BLTP1: variants seen among roughly 807,000 people sequenced by gnomAD.
The protein encoded by BLTP1 is bridge-like lipid transfer protein family member 1.
the BLTP1 span, chr4:122,237,346 G>C: frequency 1.0e-6 from 1 of 985,302 alleles, no homozygotes; most frequent in Non-Finnish European, 1.2e-6. Flanking sequence ...CTGTGAAACA[G>C]TGGTGCTTCA....
At chr4:122,202,950 A>G in the BLTP1 span, among the ~76,000 whole-genome samples, 1 of 152,002 alleles carries the variant, frequency 6.6e-6, no homozygotes, top group Non-Finnish European at 1.5e-5. Flanking sequence ...AAAAGTAAAC[A>G]TAATCACCGT....
the BLTP1 span, chr4:122,312,699 CACAA>C: frequency 3.4e-6 from 1 of 298,476 alleles, no homozygotes; most frequent in African/African-American, 2.3e-5. Flanking sequence ...GATCCTCTCT[CACAA>C]ACTAAGTTGT....
chr4:122,304,280 C>T, the BLTP1 span, among the ~76,000 whole-genome samples: 1 of 152,138 alleles, frequency 6.6e-6, no homozygotes, highest in South Asian at 2.1e-4. Flanking sequence ...TGCATGATCT[C>T]GGCTCACTGC....
At chr4:122,244,408 A>G in the BLTP1 span, among the ~76,000 whole-genome samples, 1 of 152,094 alleles carries the variant, frequency 6.6e-6, no homozygotes, top group Admixed American at 6.5e-5. Context: ...CATCCCACAA[A>G]TACTGTATTC....
chr4:122,266,800 T>C, the BLTP1 span: 1 of 1,604,222 alleles, frequency 6.2e-7, no homozygotes. Flanking sequence ...TCAAGCCTCT[T>C]CTGAGTCATA....
the BLTP1 span, chr4:122,170,754 A>T: frequency 6.4e-7 from 1 of 1,569,290 alleles, no homozygotes; most frequent in Admixed American, 1.9e-5. Context: ...GGTAAGTGGA[A>T]TATTTTTCTT....
the BLTP1 span, chr4:122,266,809 T>G: frequency 1.1e-5 from 18 of 1,608,782 alleles, no homozygotes; most frequent in Non-Finnish European, 1.5e-5. Flanking sequence ...TTCTGAGTCA[T>G]ACAGGGATCC....
At chr4:122,353,098 C>A in the BLTP1 span, 1 of 1,613,888 alleles carries the variant, frequency 6.2e-7, no homozygotes, top group South Asian at 1.1e-5. This position sits in a 1 kb window ranked among gnomAD's most constrained non-coding sequence, Gnocchi z 4.3. Context: ...GGCCCTTTTT[C>A]ATTTAGAAGA....
chr4:122,255,523 G>A, the BLTP1 span, among the ~76,000 whole-genome samples: 28 of 152,172 alleles, frequency 1.8e-4, no homozygotes, highest in African/African-American at 6.8e-4. Context: ...GCTGTCACCT[G>A]TAATCCCAGC....
At chr4:122,209,856 T>A in the BLTP1 span, 6 of 1,613,680 alleles carry the variant, frequency 3.7e-6, no homozygotes, top group Non-Finnish European at 5.1e-6. Context: ...CCAAGTGTCA[T>A]GCTTACAATT....
At chr4:122,176,380 G>T in the BLTP1 span, among the ~76,000 whole-genome samples, 76 of 152,164 alleles carry the variant, frequency 5.0e-4, no homozygotes, top group Middle Eastern at 6.8e-3. Context: ...AGCATTAGCT[G>T]TGATTTAAAT....
the BLTP1 span, among the ~76,000 whole-genome samples, chr4:122,182,179 A>G: frequency 6.6e-6 from 1 of 152,242 alleles, no homozygotes; most frequent in African/African-American, 2.4e-5. Context: ...ATATGCTAAT[A>G]TTAAAAGAGT....
At chr4:122,194,116 CCT>C in the BLTP1 span, among the ~76,000 whole-genome samples, 1 of 152,170 alleles carries the variant, frequency 6.6e-6, no homozygotes, top group Non-Finnish European at 1.5e-5. Flanking sequence ...CCCGCTTCGG[CCT>C]CTCAAAGTGC....
At chr4:122,307,182 T>C in the BLTP1 span, among the ~76,000 whole-genome samples, 5 of 152,132 alleles carry the variant, frequency 3.3e-5, no homozygotes, top group African/African-American at 4.8e-5. Flanking sequence ...ATGAAATTTA[T>C]TTATGTTTCA....
the BLTP1 span, chr4:122,238,173 GTCT>G: frequency 6.2e-7 from 1 of 1,613,988 alleles, no homozygotes; most frequent in South Asian, 1.1e-5. Context: ...CAGCACCTTA[GTCT>G]TCAAGTACCA....
the BLTP1 span, chr4:122,340,818 C>T: frequency 2.1e-6 from 2 of 956,874 alleles, no homozygotes; most frequent in African/African-American, 3.5e-5. Context: ...GTTACACTCA[C>T]TATTCATTAT....
chr4:122,291,431 C>T, the BLTP1 span, among the ~76,000 whole-genome samples: 2 of 152,156 alleles, frequency 1.3e-5, no homozygotes, highest in African/African-American at 4.8e-5. Context: ...CTTCCCTCTC[C>T]CATAATCTTC....
At chr4:122,221,489 G>C in the BLTP1 span, among the ~76,000 whole-genome samples, 1 of 151,886 alleles carries the variant, frequency 6.6e-6, no homozygotes, top group Non-Finnish European at 1.5e-5. Flanking sequence ...TTTTTCCATG[G>C]TTAAGTTATT....
At chr4:122,247,595 A>G in the BLTP1 span, 1 of 1,157,554 alleles carries the variant, frequency 8.6e-7, no homozygotes, top group African/African-American at 1.6e-5. Flanking sequence ...CAAATTAGGA[A>G]CTTCTATTTC....
Sources: gnomAD v4.1 joint callset for allele counts (sites outside exome capture counted in the v4.1 genomes callset) on GRCh38, gnomAD v4.1.1 for gene constraint, Gnocchi (gnomAD v3.1) non-coding constraint, MANE v1.5 for transcripts, NCBI Gene and HGNC (gene_info 2026-07-23, HGNC 2026-07-21) for gene names.